PCDHGA4: variants seen among roughly 807,000 people sequenced by gnomAD.
PCDHGA4 encodes the protein protocadherin gamma-A4.
In PCDHGA4, 38 loss-of-function variants were observed where a neutral mutation model predicts 54.6. The observed-to-expected ratio is 0.70, with a 90% confidence interval of 0.54 to 0.91. The LOEUF (loss-of-function observed/expected upper bound fraction) is 0.91, where lower values mean the gene tolerates loss of function less well. Ranked by LOEUF, PCDHGA4 falls within the 40% of genes least tolerant of loss-of-function variation. The pLI is 0.00. For synonymous variants in PCDHGA4, 511 were observed against 512.9 expected (o/e 1.00, Z 0.05); for missense variants, 1,298 against 1,220.9 (o/e 1.06, Z -0.94).
chr5:141,392,659 A>T, intron 1 of PCDHGA4: 2 of 788,300 alleles, frequency 2.5e-6, no homozygotes, highest in Non-Finnish European at 3.8e-6. Flanking sequence ...CGCAGATGCC[A>T]CAAACTAACT....
intron 1 of PCDHGA4, chr5:141,376,589 C>G: frequency 6.4e-7 from 1 of 1,568,198 alleles, no homozygotes; most frequent in Non-Finnish European, 8.7e-7. Flanking sequence ...TCAGCTAGAT[C>G]GGCTGTTATA....
intron 1 of PCDHGA4, chr5:141,404,577 T>C (rs2094542300): frequency 6.2e-7 from 1 of 1,613,954 alleles, no homozygotes; most frequent in South Asian, 1.1e-5. Context: ...AGCCCACCAC[T>C]TAGCAGCAAT....
intron 1 of PCDHGA4, chr5:141,399,019 A>G (rs576771907): frequency 2.5e-6 from 4 of 1,613,932 alleles, no homozygotes; most frequent in East Asian, 2.2e-5. Context: ...CGGAGAAATT[A>G]CCACTCAAAA....
intron 1 of PCDHGA4, chr5:141,382,829 T>C: frequency 7.3e-7 from 1 of 1,376,168 alleles, no homozygotes; most frequent in Non-Finnish European, 9.9e-7. Flanking sequence ...GACAGAGGGG[T>C]CCACCCGGAT....
At chr5:141,500,184 T>A (rs889800014) in intron 2 of PCDHGA4, among the ~76,000 whole-genome samples, 89 of 135,966 alleles carry the variant, frequency 6.5e-4, no homozygotes, top group African/African-American at 2.4e-3. Flanking sequence ...TCATTTTTAT[T>A]TTTATTTATT....
intron 1 of PCDHGA4, among the ~76,000 whole-genome samples, chr5:141,448,784 C>CAA (rs576464275): frequency 4.8e-5 from 7 of 145,806 alleles, no homozygotes; most frequent in East Asian, 2.0e-4. Context: ...ACTAAAAATA[C>CAA]AAAAAAAAAA....
chr5:141,384,020 G>A (rs1158407540), intron 1 of PCDHGA4: 2 of 1,613,612 alleles, frequency 1.2e-6, no homozygotes, highest in Admixed American at 3.3e-5. Flanking sequence ...CTACAAGACA[G>A]AGATTCTGGA....
chr5:141,476,951 A>C lies in PCDHGA4; in HGVS notation c.2515-17856A>C. On this transcript the variant is annotated intron_variant, in intron 1 of 3. Coordinates refer to ENST00000571252, the MANE Select transcript of PCDHGA4 (RefSeq NM_018917.4). The surrounding 1 kb of genome is among the most constrained non-coding windows in gnomAD (Gnocchi z 7.6). ...TCTGGATGAAGGCCCCAACGGTGAA[A>C]TTATTTACTCCTTCGGCAGCCACAA... 6.2e-7 allele frequency: 1 copy of C among 1,614,184 alleles called. No individual in the cohort carries two copies. Among genetic ancestry groups the C allele is most frequent in the South Asian group, 1.1e-5 (1 of 91,088 alleles).
At chr5:141,369,576 C>T (rs1388999909) in intron 1 of PCDHGA4, among the ~76,000 whole-genome samples, 1 of 152,202 alleles carries the variant, frequency 6.6e-6, no homozygotes, top group Non-Finnish European at 1.5e-5. Context: ...AAGAGACCCT[C>T]TTGCTTTTTA....
At position 141,485,229 on chromosome 5, in the gene PCDHGA4, TC is replaced by T; in HGVS notation, c.2515-9576del. On this transcript the variant is annotated intron_variant, in intron 1 of 3. Transcript: ENST00000571252. The surrounding 1 kb of genome is among the most constrained non-coding windows in gnomAD (Gnocchi z 5.7). ...ATCTGGCGGTGGGCTACCCTTTTGT[TC>T]CTCTTTTACCACCTGGGTTACGTTT... 6.2e-7 allele frequency: 1 copy of T among 1,614,160 alleles called. No homozygotes were observed. The highest frequency in any genetic ancestry group is 8.5e-7 in the Non-Finnish European group (1 of 1,180,022).
rs1341933650 is a variant in PCDHGA4, at chr5:141,357,352, C to T, written c.2245C>T (p.Arg749Cys). The change falls in exon 1 of 4, where the codon CGC becomes TGC. Residue 749 changes from arginine (R) to cysteine (C), a missense_variant. Physicochemically the swap from Arg to Cys is radical, Grantham distance 180. Coordinates refer to ENST00000571252, the MANE Select transcript of PCDHGA4 (RefSeq NM_018917.4). ...VTVLLALKLR[R>C]WHKSRLLHAE... ...GGTGCTGCTAGCACTCAAGCTGAGA[C>T]GCTGGCACAAGTCACGCCTGCTTCA... The T allele has an allele frequency of 1.2e-6, 2 of 1,614,156 alleles. No homozygotes were observed. The highest frequency in any genetic ancestry group is 1.7e-6 in the Non-Finnish European group (2 of 1,179,972).
At position 141,493,512 on chromosome 5, in the gene PCDHGA4, C is replaced by A. The variant is rs1327850681; in HGVS notation, c.2515-1295C>A. The stretch of plus-strand genomic sequence containing the variant: ...CTGTGGCTCCTCATTTCTGAGCAGT[C>A]CCCGCAGCGCAAACTTGGCCAGTTA... On this transcript the variant is annotated intron_variant, in intron 1 of 3. Transcript: ENST00000571252. The surrounding 1 kb of genome is among the most constrained non-coding windows in gnomAD (Gnocchi z 4.3). Among the ~76,000 whole-genome samples the A allele has an allele frequency of 1.3e-5, 2 of 152,148 alleles. No individual in the cohort carries two copies. Among genetic ancestry groups the A allele is most frequent in the South Asian group, 4.1e-4 (2 of 4,824 alleles).
rs1760114115 is a variant in PCDHGA4 at position 141,356,120 on chromosome 5, T to C, written c.1013T>C (p.Leu338Pro). 6.2e-7 allele frequency: 1 copy of C among 1,613,918 alleles called. No homozygotes were observed. Among genetic ancestry groups the C allele is most frequent in the Middle Eastern group, 1.6e-4 (1 of 6,062 alleles). The change falls in exon 1 of 4, where the codon CTA becomes CCA. Residue 338 changes from leucine (L) to proline (P), a missense_variant. Transcript: ENST00000571252. ...GGGGATATAACAATATTGGGGGGTCTAGATTATGAGGACTCTGGATTCTAT... is the reference window on the plus strand; with the variant it reads ...GGGGATATAACAATATTGGGGGGTCCAGATTATGAGGACTCTGGATTCTAT... Reference protein sequence around the residue: ...LSGDITILGGLDYEDSGFYDI... With the variant: ...LSGDITILGGPDYEDSGFYDI...
chr5:141,384,763 T>C, intron 1 of PCDHGA4: 1 of 1,613,952 alleles, frequency 6.2e-7, no homozygotes. Context: ...GGTTGGGCTG[T>C]ACACGGGCGA....
At chr5:141,428,021 C>G (rs1185050109) in intron 1 of PCDHGA4, 1 of 1,605,486 alleles carries the variant, frequency 6.2e-7, no homozygotes, top group Admixed American at 1.7e-5. Flanking sequence ...TGCCACGCGC[C>G]GCAGAGTCCG....
chr5:141,507,522 C>G (rs560304194), intron 3 of PCDHGA4, among the ~76,000 whole-genome samples: 365 of 152,096 alleles, frequency 2.4e-3, no homozygotes, highest in African/African-American at 8.1e-3. Context: ...GCTATGATTC[C>G]AGAGAGGCCA....
intron 1 of PCDHGA4, chr5:141,389,630 T>G: frequency 6.2e-7 from 1 of 1,612,990 alleles, no homozygotes; most frequent in South Asian, 1.1e-5. Context: ...CTGCAGAGCC[T>G]GGCTACTTGG....
At chr5:141,400,166 C>T (rs370071207) in intron 1 of PCDHGA4, 80 of 1,613,954 alleles carry the variant, frequency 5.0e-5, no homozygotes, top group South Asian at 7.7e-5. Context: ...CCCTCTGACC[C>T]CCAGGCTGAG....
At chr5:141,453,517 C>T (rs1001603927) in intron 1 of PCDHGA4, among the ~76,000 whole-genome samples, 1 of 152,062 alleles carries the variant, frequency 6.6e-6, no homozygotes, top group African/African-American at 2.4e-5. Context: ...TCATTCCTCC[C>T]CTATACCTTC....
Sources: gnomAD v4.1 joint callset for allele counts (sites outside exome capture counted in the v4.1 genomes callset) on GRCh38, gnomAD v4.1.1 for gene constraint, Gnocchi (gnomAD v3.1) non-coding constraint, MANE v1.5 for transcripts, NCBI Gene and HGNC (gene_info 2026-07-23, HGNC 2026-07-21) for gene names.